Variants in UBXN11 observed in about 807,000 individuals in gnomAD.
UBXN11 encodes UBX domain protein 11.
In UBXN11, 47 loss-of-function variants were observed where a neutral mutation model predicts 62.8. The observed-to-expected ratio is 0.75, with a 90% CI of 0.59 to 0.95. The LOEUF (loss-of-function observed/expected upper bound fraction) is 0.95, where lower values mean the gene tolerates loss of function less well. UBXN11 is among the 40% of genes least tolerant of loss of function. The pLI, the probability that UBXN11 is intolerant of heterozygous loss-of-function variation, is 0.00. For missense variants in UBXN11, 638 were observed against 661.7 expected, an observed-to-expected ratio of 0.96 and a Z score of 0.39; for synonymous variants, 294 against 267.0, an observed-to-expected ratio of 1.10 and a Z score of -0.99.
At position 26,302,876 on chromosome 1, in the gene UBXN11, G is replaced by A. The variant is rs373263016; in HGVS notation, c.8C>T (p.Ser3Leu). Reference protein sequence around the residue: MSSPLASLSKTRK... With the variant: MSLPLASLSKTRK... The stretch of plus-strand genomic sequence containing the variant: ...GGTCTTGCTAAGGGAGGCCAAAGGT[G>A]AGCTCATAGTTCTACTTCTAGAATC... The change falls in exon 2 of 15, where the codon TCA becomes TTA. Residue 3 changes from serine (S) to leucine (L), a missense_variant. By Grantham distance (145) the Ser-to-Leu change is moderately radical (BLOSUM62 -2). Transcript: ENST00000374222. 2.4e-5 allele frequency: 39 copies of A among 1,613,864 alleles called. No individual in the cohort carries two copies. The South Asian group carries it at 3.0e-4, about 12-fold the overall frequency.
chr1:26,301,035 G>T lies in UBXN11; in HGVS notation c.101-11C>A. The T allele has an allele frequency of 3.1e-6, 5 of 1,614,204 alleles. No homozygotes were observed. Among genetic ancestry groups the T allele is most frequent in the Non-Finnish European group, 4.2e-6 (5 of 1,180,026 alleles). ...TGTCCACCTCATCTTCTGCAGACAG[G>T]GATGCCTAGGTCACCGCTCTGGGGC... is the stretch of plus-strand genomic sequence containing the variant. On this transcript the variant is annotated splice_polypyrimidine_tract_variant and intron_variant, in intron 3 of 14. Coordinates refer to ENST00000374222, the MANE Select transcript of UBXN11 (RefSeq NM_001389556.1).
intron 6 of UBXN11, 46 bp from the exon 7 acceptor site, chr1:26,297,041 C>T (rs1394966065): frequency 1.3e-5 from 20 of 1,564,140 alleles, no homozygotes; most frequent in Non-Finnish European, 1.7e-5. Flanking sequence ...CAGCAAGACA[C>T]TGCCAGGTCA....
At position 26,284,424 on chromosome 1, in the gene UBXN11, T is replaced by G; in HGVS notation, c.911A>C (p.Glu304Ala). ...CAGCTGCCTGCCCACCACACGGCCC[T>G]CGCCTGGGAAGGGGTCCAGTCCATC... ...LEDGLDPFPG[E>A]GRVVGRQLMH... The change falls in exon 11 of 15, where the codon GAG (glutamate) becomes GCG (alanine). Residue 304 changes from glutamate (E) to alanine (A), a missense_variant. By Grantham distance (107) the Glu-to-Ala change is moderately radical. Transcript: ENST00000374222. 1.9e-6 allele frequency: 3 copies of G among 1,613,786 alleles called. No homozygotes were observed. In the South Asian group the frequency reaches 3.3e-5, roughly 18 times the overall value.
chr1:26,298,696 G>T (rs1023749446), intron 4 of UBXN11, among the ~76,000 whole-genome samples: 2 of 147,106 alleles, frequency 1.4e-5, no homozygotes, highest in Non-Finnish European at 3.0e-5. Context: ...AGAATCGCTT[G>T]AACCCAGGAG....
chr1:26,305,881 G>A lies in UBXN11; in HGVS notation c.-36+711C>T, dbSNP rs17184975. On this transcript the variant is annotated intron_variant, in intron 1 of 14. Coordinates refer to ENST00000374222, the MANE Select transcript of UBXN11 (RefSeq NM_001389556.1). Reference sequence around the variant, plus strand: ...GCTGCCCCTTTCCATGGCCACCGTCGGCCGTCCTAGTGGGACTCTCACTGC... The same window carrying A: ...GCTGCCCCTTTCCATGGCCACCGTCAGCCGTCCTAGTGGGACTCTCACTGC... Among the ~76,000 whole-genome samples, 638 of 152,186 alleles carry A rather than the reference G, an allele frequency of 4.2e-3. 4 individuals are homozygous for A. Among genetic ancestry groups the A allele is most frequent in the Admixed American group, 8.2e-3 (126 of 15,278 alleles).
chr1:26,295,160 C>T (rs1053270844), intron 7 of UBXN11, among the ~76,000 whole-genome samples: 3 of 152,142 alleles, frequency 2.0e-5, no homozygotes, highest in South Asian at 2.1e-4. Flanking sequence ...AAACCTCCCC[C>T]GTGCCAGGTT....
Position 26,282,557 on chromosome 1 carries a change from G to T in UBXN11, c.1305C>A (p.Ala435=). ...ALLAQARVMD[A]SAFEIFSTFP... ...ATGTGCTGAAGATCTCAAAGGCAGAGGCATCCATGACCCTGGGGACCAGGC... is the reference window on the plus strand; with the variant it reads ...ATGTGCTGAAGATCTCAAAGGCAGATGCATCCATGACCCTGGGGACCAGGC... The change falls in exon 15 of 15, where the codon GCC becomes GCA. Residue 435 remains alanine (A), a synonymous_variant. Coordinates refer to ENST00000374222, the MANE Select transcript of UBXN11 (RefSeq NM_001389556.1). 6.3e-7 allele frequency: 1 copy of T among 1,599,256 alleles called. No individual in the cohort carries two copies. The highest frequency in any genetic ancestry group is 8.5e-7 in the Non-Finnish European group (1 of 1,169,724).
At chr1:26,286,091 C>A in intron 8 of UBXN11, 54 bp from the exon 9 acceptor site, 2 of 1,493,574 alleles carry the variant, frequency 1.3e-6, no homozygotes, top group Non-Finnish European at 1.8e-6. Flanking sequence ...ATGTCCCTAG[C>A]AGCCCTAGCC....
intron 4 of UBXN11, among the ~76,000 whole-genome samples, chr1:26,300,011 A>T (rs1312836557): frequency 6.6e-6 from 1 of 152,180 alleles, no homozygotes; most frequent in East Asian, 1.9e-4. Flanking sequence ...AATAAAATAA[A>T]AAAGAAAGTT....
At chr1:26,293,217 T>C (rs1184989679) in intron 8 of UBXN11, among the ~76,000 whole-genome samples, 1 of 152,164 alleles carries the variant, frequency 6.6e-6, no homozygotes, top group Non-Finnish European at 1.5e-5. Context: ...ATAGAGGTCA[T>C]CTGCCCAAGT....
Position 26,294,199 on chromosome 1 carries a change from C to A in UBXN11, c.559+6G>T, listed in dbSNP as rs1358150348. ...AAGAGGGCCTGGGGCAGACGCCCTG[C>A]TCTACCTGGCTTCCAGAACTTCTTG... On this transcript the variant is annotated splice_donor_region_variant and intron_variant, in intron 8 of 14. Transcript: ENST00000374222. The A allele has an allele frequency of 1.2e-6, 2 of 1,613,888 alleles. No individual in the cohort carries two copies. The highest frequency in any genetic ancestry group is 1.7e-6 in the Non-Finnish European group (2 of 1,179,828).
At chr1:26,283,734 A>G (rs1328547999) in intron 12 of UBXN11, among the ~76,000 whole-genome samples, 1 of 152,128 alleles carries the variant, frequency 6.6e-6, no homozygotes, top group Admixed American at 6.5e-5. Context: ...CTGAGAAACT[A>G]AGGTTTGGTG....
upstream of UBXN11, among the ~76,000 whole-genome samples, chr1:26,309,156 G>A (rs138516273): frequency 8.4e-3 from 1,276 of 151,416 alleles, 24 homozygotes; most frequent in Admixed American, 0.047. Flanking sequence ...TGTGGTCTCC[G>A]TCTCCTGACC....
intron 7 of UBXN11, among the ~76,000 whole-genome samples, chr1:26,296,359 G>C (rs2073392149): frequency 6.6e-6 from 1 of 152,246 alleles, no homozygotes; most frequent in Non-Finnish European, 1.5e-5. Flanking sequence ...GGAGTTCAGA[G>C]TCCCACAAGG....
intron 8 of UBXN11, among the ~76,000 whole-genome samples, chr1:26,288,499 A>G (rs1218974244): frequency 6.6e-6 from 1 of 152,138 alleles, no homozygotes; most frequent in Non-Finnish European, 1.5e-5. Flanking sequence ...GGGAAGAGCT[A>G]CCACAGCAGG....
chr1:26,284,839 C>T, intron 10 of UBXN11: 1 of 1,043,130 alleles, frequency 9.6e-7, no homozygotes, highest in Non-Finnish European at 1.2e-6. Flanking sequence ...GTACATGTAA[C>T]CTCACTTGCC....
At chr1:26,286,593 GT>G (rs58956796) in intron 8 of UBXN11, among the ~76,000 whole-genome samples, 51,984 of 152,080 alleles carry the variant, frequency 0.34, 9,663 homozygotes, top group African/African-American at 0.49. Flanking sequence ...AAGTAACCAT[GT>G]TAAGAGCCAG....
chr1:26,317,103 TGGTGGC>T (rs1437215301), intron 1 of UBXN11, among the ~76,000 whole-genome samples: 1 of 147,576 alleles, frequency 6.8e-6, no homozygotes, highest in African/African-American at 2.5e-5. Context: ...TAGCCAGGCA[TGGTGGC>T]ACACACCTGT....
intron 1 of UBXN11, among the ~76,000 whole-genome samples, chr1:26,317,779 G>C (rs1434686844): frequency 2.6e-5 from 4 of 151,940 alleles, no homozygotes; most frequent in Admixed American, 1.3e-4. Flanking sequence ...TATCTTGTAC[G>C]ATCTAGCCTG....
Sources: gnomAD v4.1 joint callset for allele counts (sites outside exome capture counted in the v4.1 genomes callset) on GRCh38, gnomAD v4.1.1 for gene constraint, MANE v1.5 for transcripts, NCBI Gene and HGNC (gene_info 2026-07-23, HGNC 2026-07-21) for gene names.